The following ECHDC1 variants were observed in gnomAD, a reference collection of about 807,000 sequenced individuals.
ECHDC1 encodes ethylmalonyl-CoA decarboxylase.
A neutral mutation model predicts 29.7 loss-of-function variants in ECHDC1; 29 were observed. The ratio of observed to expected loss-of-function variants is 0.98; its 90% confidence interval spans 0.73 to 1.33. The LOEUF (loss-of-function observed/expected upper bound fraction) is 1.33. Among genes scored for constraint, ECHDC1 ranks in the 40% most tolerant of loss-of-function variants. The pLI is 0.00. For missense variants in ECHDC1, 328 were observed against 350.0 expected, an observed-to-expected ratio of 0.94 and a Z score of 0.50; for synonymous variants, 126 against 123.1, an observed-to-expected ratio of 1.02 and a Z score of -0.15.
intron 3 of ECHDC1, among the ~76,000 whole-genome samples, chr6:127,320,525 CTT>C (rs1782751249): frequency 6.6e-6 from 1 of 152,182 alleles, no homozygotes; most frequent in Non-Finnish European, 1.5e-5. Context: ...AAATGCCAGA[CTT>C]TTCCTTGAGG....
chr6:127,320,398 T>C (rs190759831), intron 3 of ECHDC1, among the ~76,000 whole-genome samples: 4 of 152,224 alleles, frequency 2.6e-5, no homozygotes, highest in East Asian at 1.9e-4. Flanking sequence ...GAGGTCACCA[T>C]AGAAACATAA....
intron 3 of ECHDC1, among the ~76,000 whole-genome samples, chr6:127,322,504 A>G (rs1323257369): frequency 1.3e-5 from 2 of 152,130 alleles, no homozygotes; most frequent in African/African-American, 2.4e-5. Flanking sequence ...AAAAGAGCAG[A>G]TTACTTGGAG....
chr6:127,315,943 C>T, intron 4 of ECHDC1: 1 of 470,662 alleles, frequency 2.1e-6, no homozygotes, highest in South Asian at 1.5e-5. Flanking sequence ...CCTTGATAGG[C>T]CAAGAAGAAT....
At chr6:127,325,374 T>C (rs1783227211) in intron 3 of ECHDC1, among the ~76,000 whole-genome samples, 1 of 152,194 alleles carries the variant, frequency 6.6e-6, no homozygotes, top group Admixed American at 6.5e-5. Flanking sequence ...AGAAAAGGGA[T>C]ACCAGTAGAA....
At chr6:127,303,090 TATTTTA>T (rs1463324585) in intron 5 of ECHDC1, among the ~76,000 whole-genome samples, 83 of 152,270 alleles carry the variant, frequency 5.5e-4, no homozygotes, top group African/African-American at 1.9e-3. Flanking sequence ...TGAAGTGACA[TATTTTA>T]ACTGATGAAT....
At chr6:127,308,534 C>A (rs1366846712) in intron 5 of ECHDC1, among the ~76,000 whole-genome samples, 1 of 152,106 alleles carries the variant, frequency 6.6e-6, no homozygotes, top group Admixed American at 6.6e-5. Context: ...TATGACAGAC[C>A]TTCAGTTAGT....
rs532017956 is a variant in ECHDC1 at position 127,327,210 on chromosome 6, T to C, written c.221-66A>G. On this transcript the variant is annotated intron_variant, in intron 2 of 5. Transcript: ENST00000454859. ...TGACTGGAAAAACAGAAATAATTTA[T>C]AAATCACAAGTGTCAAGCATACTCT... 105 of 1,552,686 alleles carry C rather than the reference T, an allele frequency of 6.8e-5. No individual in the cohort carries two copies. In the African/African-American group the frequency reaches 7.6e-4, roughly 11 times the overall value.
chr6:127,327,871 C>G (rs1413602633), intron 2 of ECHDC1, among the ~76,000 whole-genome samples: 1 of 152,190 alleles, frequency 6.6e-6, no homozygotes, highest in Non-Finnish European at 1.5e-5. Flanking sequence ...AAGATCTAAT[C>G]AATAACTTTT....
intron 5 of ECHDC1, among the ~76,000 whole-genome samples, chr6:127,311,461 G>T (rs990766659): frequency 2.6e-5 from 4 of 151,770 alleles, no homozygotes; most frequent in Non-Finnish European, 4.4e-5. Flanking sequence ...TGGATCACGA[G>T]GTCAGGAGTT....
intron 1 of ECHDC1, chr6:127,342,214 T>A (rs975271729): frequency 8.5e-6 from 7 of 823,120 alleles, no homozygotes; most frequent in African/African-American, 5.2e-5. Flanking sequence ...ATTAGTTTTT[T>A]AACCAGTTCT....
At chr6:127,304,405 T>A (rs756048546) in intron 5 of ECHDC1, among the ~76,000 whole-genome samples, 1 of 152,132 alleles carries the variant, frequency 6.6e-6, no homozygotes, top group Non-Finnish European at 1.5e-5. Context: ...TCTGAATATC[T>A]AGAAAGCCTT....
chr6:127,316,198 T>C (rs1782358060), intron 4 of ECHDC1: 4 of 461,096 alleles, frequency 8.7e-6, no homozygotes, highest in South Asian at 2.0e-5. Context: ...CAGCTAGTTA[T>C]ATAAGCTCTT....
At chr6:127,338,363 T>C (rs1784617913) in intron 1 of ECHDC1, among the ~76,000 whole-genome samples, 1 of 152,160 alleles carries the variant, frequency 6.6e-6, no homozygotes, top group Non-Finnish European at 1.5e-5. Flanking sequence ...TATCTCCTTT[T>C]ATTGAGCTCT....
chr6:127,332,454 G>A (rs1784043493), intron 1 of ECHDC1, among the ~76,000 whole-genome samples: 1 of 152,006 alleles, frequency 6.6e-6, no homozygotes, highest in South Asian at 2.1e-4. Context: ...CAAGGTGGTC[G>A]GGGTATGACT....
chr6:127,290,031 T>C lies in ECHDC1; in HGVS notation c.744A>G (p.Gln248=), dbSNP rs781320836. The change falls in exon 6 of 6, where the codon CAA becomes CAG. Residue 248 remains glutamine, a synonymous_variant. Coordinates refer to ENST00000454859, the MANE Select transcript of ECHDC1 (RefSeq NM_001002030.2). ...AAGCTCTAATTACTTCCGGTGGCCC[T>C]TGGATGAATTGCTTTAGCCATTCTT... is the stretch of plus-strand genomic sequence containing the variant. ...EAQEWLKQFI[Q]GPPEVIRALK... is the part of the protein sequence containing the mutation. The C allele has an allele frequency of 4.3e-6, 7 of 1,613,742 alleles. No individual in the cohort carries two copies. The Admixed American group carries it at 1.0e-4, about 23-fold the overall frequency.
chr6:127,296,441 C>A (rs1197502061), intron 5 of ECHDC1, among the ~76,000 whole-genome samples: 1 of 152,058 alleles, frequency 6.6e-6, no homozygotes, highest in Non-Finnish European at 1.5e-5. Context: ...GATCCGCCTG[C>A]CTCGGCCTCC....
chr6:127,300,118 T>G (rs113962060), intron 5 of ECHDC1, among the ~76,000 whole-genome samples: 1,637 of 152,278 alleles, frequency 0.011, 33 homozygotes, highest in African/African-American at 0.038. Flanking sequence ...TTCCTATCAT[T>G]AAGCAATACA....
At chr6:127,318,660 G>A (rs1377045620) in intron 3 of ECHDC1, among the ~76,000 whole-genome samples, 1 of 152,176 alleles carries the variant, frequency 6.6e-6, no homozygotes, top group Non-Finnish European at 1.5e-5. Context: ...GGTGGCATTT[G>A]CTAGGTCTAG....
chr6:127,320,342 T>C (rs1478413757), intron 3 of ECHDC1, among the ~76,000 whole-genome samples: 4 of 152,146 alleles, frequency 2.6e-5, no homozygotes, highest in African/African-American at 7.2e-5. Flanking sequence ...AATCAGGGTA[T>C]GGTACAATAG....
Sources: gnomAD v4.1 joint callset for allele counts (sites outside exome capture counted in the v4.1 genomes callset) on GRCh38, gnomAD v4.1.1 for gene constraint, MANE v1.5 for transcripts, NCBI Gene and HGNC (gene_info 2026-07-23, HGNC 2026-07-21) for gene names.